CDC20B: variants seen among roughly 807,000 people sequenced by gnomAD.
The protein encoded by CDC20B is cell division cycle protein 20 homolog B.
Under a neutral mutation model 64.1 loss-of-function variants are expected in CDC20B, and 58 were observed. The ratio of observed to expected loss-of-function variants is 0.90; its 90% CI spans 0.73 to 1.13. The LOEUF (loss-of-function observed/expected upper bound fraction) is 1.13, where lower values mean the gene tolerates loss of function less well. CDC20B is among the 50% of genes most tolerant of loss of function. The pLI, the probability that CDC20B is intolerant of heterozygous loss-of-function variation, is 0.00. For synonymous variants in CDC20B, 243 were observed against 230.6 expected (o/e 1.05, Z -0.49); for missense variants, 597 against 633.0 (o/e 0.94, Z 0.61).
chr5:55,138,867 G>A (rs1199183121), intron 5 of CDC20B, among the ~76,000 whole-genome samples: 1 of 151,848 alleles, frequency 6.6e-6, no homozygotes, highest in Admixed American at 6.6e-5. Context: ...AAATAAAAAA[G>A]TGAGATGAAA....
intron 9 of CDC20B, among the ~76,000 whole-genome samples, chr5:55,123,136 T>C (rs961959677): frequency 6.6e-6 from 1 of 152,192 alleles, no homozygotes; most frequent in African/African-American, 2.4e-5. Flanking sequence ...CTTGGTCTCA[T>C]ATGGTGAATT....
chr5:55,134,766 C>A (rs527526729), intron 5 of CDC20B, among the ~76,000 whole-genome samples: 2 of 151,966 alleles, frequency 1.3e-5, no homozygotes, highest in African/African-American at 4.8e-5. Flanking sequence ...CATGAAGAAA[C>A]CTTAAATGCA....
chr5:55,138,732 TA>T (rs370900103), intron 5 of CDC20B, among the ~76,000 whole-genome samples: 540 of 135,722 alleles, frequency 4.0e-3, no homozygotes, highest in Non-Finnish European at 4.1e-3. Context: ...CAGGATGCTG[TA>T]AAAAAAAAAA....
intron 5 of CDC20B, among the ~76,000 whole-genome samples, chr5:55,138,732 T>TAAAAAAAA (rs370900103): frequency 7.4e-6 from 1 of 135,982 alleles, no homozygotes. Context: ...CAGGATGCTG[T>TAAAAAAAA]AAAAAAAAAA....
At chr5:55,158,174 A>C (rs1743867053) in intron 2 of CDC20B, among the ~76,000 whole-genome samples, 1 of 152,204 alleles carries the variant, frequency 6.6e-6, no homozygotes, top group Non-Finnish European at 1.5e-5. Context: ...GGTGGGGCCC[A>C]AAATGCTGTG....
At chr5:55,162,425 T>C (rs1744127407) in intron 2 of CDC20B, among the ~76,000 whole-genome samples, 2 of 152,170 alleles carry the variant, frequency 1.3e-5, no homozygotes, top group Admixed American at 6.5e-5. Flanking sequence ...TTAGCTAATG[T>C]TCTCTCATCT....
At chr5:55,120,675 T>C (rs1742736226) in intron 9 of CDC20B, 125 bp from the exon 10 acceptor site, 2 of 1,141,002 alleles carry the variant, frequency 1.8e-6, no homozygotes, top group Non-Finnish European at 2.5e-6. Context: ...CTGGGCCTGC[T>C]ATCTAAAGGC....
intron 2 of CDC20B, chr5:55,170,873 G>A: frequency 1.2e-5 from 4 of 322,518 alleles, no homozygotes; most frequent in Non-Finnish European, 1.3e-5. Context: ...AAGACTATAA[G>A]AAATAAAATC....
intron 2 of CDC20B, chr5:55,164,950 G>A (rs1212715042): frequency 1.3e-5 from 2 of 152,002 alleles, no homozygotes; most frequent in Non-Finnish European, 2.9e-5. Context: ...TTTTTTAGAA[G>A]CAACTCAAAT....
chr5:55,152,142 G>A (rs1414764817), intron 2 of CDC20B, among the ~76,000 whole-genome samples: 1 of 152,246 alleles, frequency 6.6e-6, no homozygotes, highest in Non-Finnish European at 1.5e-5. Context: ...ACCAGAAGAG[G>A]CAAGGAATGG....
At chr5:55,120,113 A>C (rs1004058196) in intron 10 of CDC20B, among the ~76,000 whole-genome samples, 195 bp from the exon 11 acceptor site, 1 of 152,232 alleles carries the variant, frequency 6.6e-6, no homozygotes, top group Admixed American at 6.5e-5. Context: ...AAATAGGCTT[A>C]GGTGCAATAA....
rs567590489 is a variant in CDC20B, at chr5:55,148,677, G to A, written c.127-1821C>T. Among the ~76,000 whole-genome samples the A allele has an allele frequency of 1.8e-4, 27 of 152,214 alleles. No homozygotes were observed. In the East Asian group the frequency reaches 4.6e-3, roughly 26 times the overall value. On this transcript the variant is annotated intron_variant, in intron 2 of 11. Coordinates refer to ENST00000381375, the MANE Select transcript of CDC20B (RefSeq NM_001170402.1). ...GGCGCTGCTGCACTCCAGCCTGGGCGACAAAGTGAGACCCTGTCTCAAAAT... is the reference window on the plus strand; with the variant it reads ...GGCGCTGCTGCACTCCAGCCTGGGCAACAAAGTGAGACCCTGTCTCAAAAT...
intron 2 of CDC20B, among the ~76,000 whole-genome samples, chr5:55,156,466 C>T (rs2111917197): frequency 6.6e-6 from 1 of 152,316 alleles, no homozygotes; most frequent in Admixed American, 6.5e-5. Context: ...TTCATTGTTC[C>T]ATTCACTAAT....
At chr5:55,163,580 C>T (rs769712436) in intron 2 of CDC20B, among the ~76,000 whole-genome samples, 1 of 151,918 alleles carries the variant, frequency 6.6e-6, no homozygotes, top group Non-Finnish European at 1.5e-5. Context: ...GGTCTCAGCT[C>T]ACTGCAACCT....
intron 2 of CDC20B, among the ~76,000 whole-genome samples, chr5:55,147,492 T>C (rs528341408): frequency 6.8e-6 from 1 of 147,852 alleles, no homozygotes; most frequent in South Asian, 2.1e-4. Context: ...TGTTATTTTA[T>C]ATGTATTTAT....
In CDC20B at chr5:55,125,968, C is replaced by T. The variant is rs554093340; in HGVS notation, c.990-940G>A. On this transcript the variant is annotated intron_variant, in intron 8 of 11. Transcript: ENST00000381375. ...GCAGTGATTAAAATGAAATTACACACATAAAAAGTATAGCACAGTGCCTGG... is the reference window on the plus strand; with the variant it reads ...GCAGTGATTAAAATGAAATTACACATATAAAAAGTATAGCACAGTGCCTGG... Among the ~76,000 whole-genome samples, 16 of 152,298 alleles carry T rather than the reference C, an allele frequency of 1.1e-4. No individual in the cohort carries two copies. The South Asian group carries it at 2.1e-3, about 20-fold the overall frequency.
At chr5:55,163,422 C>T (rs1435273127) in intron 2 of CDC20B, among the ~76,000 whole-genome samples, 1 of 152,118 alleles carries the variant, frequency 6.6e-6, no homozygotes. Context: ...CCTATCTCTA[C>T]TCAAAATACA....
At chr5:55,155,700 C>G (rs1358621011) in intron 2 of CDC20B, among the ~76,000 whole-genome samples, 1 of 152,204 alleles carries the variant, frequency 6.6e-6, no homozygotes, top group Non-Finnish European at 1.5e-5. Flanking sequence ...TCCTTTATCT[C>G]TATCGCCAGC....
chr5:55,122,368 C>G (rs965418651), intron 9 of CDC20B, among the ~76,000 whole-genome samples: 1 of 151,792 alleles, frequency 6.6e-6, no homozygotes, highest in Non-Finnish European at 1.5e-5. Flanking sequence ...CTCCCTGGGG[C>G]TCAAGCGATC....
Sources: allele counts gnomAD v4.1 joint callset (sites outside exome capture counted in the v4.1 genomes callset), GRCh38; gene constraint gnomAD v4.1.1; transcripts MANE v1.5; gene names NCBI Gene and HGNC (gene_info 2026-07-23, HGNC 2026-07-21).